Variants in AATK observed in about 807,000 individuals in gnomAD.
AATK encodes lemur tail kinase 1.
In AATK, 91 loss-of-function variants were observed where a neutral mutation model predicts 114.3. The observed-to-expected ratio is 0.80, with a 90% confidence interval of 0.67 to 0.95. The LOEUF (loss-of-function observed/expected upper bound fraction) is 0.95, where lower values mean the gene tolerates loss of function less well. Ranked by LOEUF, AATK falls within the 40% of genes least tolerant of loss-of-function variation. The probability of loss-of-function intolerance (pLI) is 0.00; values close to 1 mark genes in which losing one functional copy is unlikely to be tolerated. For missense variants in AATK, 2,176 were observed against 1,965.2 expected (o/e 1.11, Z -2.03); for synonymous variants, 1,075 against 916.5 (o/e 1.17, Z -3.12).
At chr17:81,160,297 G>A (rs1293817595) in intron 1 of AATK, 11 of 983,310 alleles carry the variant, frequency 1.1e-5, no homozygotes, top group Middle Eastern at 5.2e-4. Flanking sequence ...AGTGACCCCC[G>A]GGAGGACCCC....
intron 9 of AATK, among the ~76,000 whole-genome samples, chr17:81,123,747 A>C (rs1168996770): frequency 1.4e-5 from 2 of 147,282 alleles, no homozygotes; most frequent in East Asian, 2.0e-4. Context: ...AGGGAGGGGG[A>C]AGGAAGGGGA....
chr17:81,153,043 T>C (rs1172031569), intron 1 of AATK, among the ~76,000 whole-genome samples: 3 of 152,176 alleles, frequency 2.0e-5, no homozygotes, highest in African/African-American at 4.8e-5. Context: ...GGTTTCACCA[T>C]GTTGGCCAGG....
chr17:81,143,519 C>A (rs1235562974), intron 1 of AATK, among the ~76,000 whole-genome samples: 3 of 50,234 alleles, frequency 6.0e-5, no homozygotes, highest in Admixed American at 2.6e-4. Flanking sequence ...TCACTTCCCC[C>A]AGCCATGCAG....
rs2060692020 is a variant in AATK at position 81,120,990 on chromosome 17, G to A, written c.2946C>T (p.Ser982=). ...GATTCTTCTCGTTGAGGCCACTGAG[G>A]GAGGTGGAGAGCCGTGTCTCGGGCC... ...GPGPETRLST[S]LSGLNEKNPY... is the part of the protein sequence containing the mutation. Residue 982 remains serine (S), a synonymous_variant, in exon 11 of 14, where the codon TCC becomes TCT. Coordinates refer to ENST00000326724, the MANE Select transcript of AATK (RefSeq NM_001080395.3). The A allele has an allele frequency of 3.7e-6, 6 of 1,610,758 alleles. No individual in the cohort carries two copies. Among genetic ancestry groups the A allele is most frequent in the Non-Finnish European group, 5.1e-6 (6 of 1,179,158 alleles).
intron 1 of AATK, among the ~76,000 whole-genome samples, chr17:81,164,628 C>T (rs953957790): frequency 7.2e-5 from 11 of 152,222 alleles, no homozygotes; most frequent in Admixed American, 1.3e-4. Context: ...GGGTATGGGC[C>T]GAGGGTCCTC....
Position 81,122,582 on chromosome 17 carries a change from G to C in AATK, c.1354C>G (p.Gln452Glu). 6.9e-7 allele frequency: 1 copy of C among 1,451,252 alleles called. No homozygotes were observed. 89.9% of individuals were successfully genotyped at this position (1,451,252 alleles called of 1,614,324 possible). Reference sequence around the variant, plus strand: ...GCGTGGAAGCCGTCGCCCGCGAACTGCTCCAGCAGCGGGAAGGACGAGGCA... The same window carrying C: ...GCGTGGAAGCCGTCGCCCGCGAACTCCTCCAGCAGCGGGAAGGACGAGGCA... ...AAASSFPLLE[Q>E]FAGDGFHADG... The change falls in exon 11 of 14, where the codon CAG becomes GAG. Residue 452 changes from glutamine to glutamate, a missense_variant. This residue lies in a region of AATK where 1,701 missense variants were observed against 1,394.7 expected (regional missense o/e 1.22). Transcript: ENST00000326724.
At chr17:81,163,915 A>G (rs931252993) in intron 1 of AATK, among the ~76,000 whole-genome samples, 3 of 152,216 alleles carry the variant, frequency 2.0e-5, no homozygotes, top group African/African-American at 7.2e-5. Context: ...CCAGATGCTG[A>G]GTGACACACA....
At chr17:81,160,754 G>C (rs2061421347) in intron 1 of AATK, among the ~76,000 whole-genome samples, 1 of 152,240 alleles carries the variant, frequency 6.6e-6, no homozygotes, top group African/African-American at 2.4e-5. Flanking sequence ...CCTTGCCCTG[G>C]CGTGCACAGA....
Position 81,126,760 on chromosome 17 carries a change from CT to C in AATK, c.622-201del. Reference sequence around the variant, plus strand: ...CCGTGTCCCCCAGGGCTGGGCTGGACTGAAGGCTTCCTCTCCACTGCCCCTC... The same window carrying C: ...CCGTGTCCCCCAGGGCTGGGCTGGACGAAGGCTTCCTCTCCACTGCCCCTC... On this transcript the variant is annotated intron_variant, in intron 6 of 13. Coordinates refer to ENST00000326724, the MANE Select transcript of AATK (RefSeq NM_001080395.3). The surrounding 1 kb of genome is among the most constrained non-coding windows in gnomAD (Gnocchi z 5.1). 7.1e-7 allele frequency: 1 copy of C among 1,402,780 alleles called. No individual in the cohort carries two copies. The highest frequency in any genetic ancestry group is 1.6e-5 in the South Asian group (1 of 60,612). 86.9% of individuals were successfully genotyped at this position (1,402,780 alleles called of 1,614,324 possible).
At position 81,126,885 on chromosome 17, in the gene AATK, G is replaced by A; in HGVS notation, c.622-325C>T. ...GATGGAGTCTGGGGCTGGTGGTCGAGGGTTGGCCGGCAGCCCCTGACCTGC... is the reference window on the plus strand; with the variant it reads ...GATGGAGTCTGGGGCTGGTGGTCGAAGGTTGGCCGGCAGCCCCTGACCTGC... On this transcript the variant is annotated intron_variant, in intron 6 of 13. Transcript: ENST00000326724. The surrounding 1 kb of genome is among the most constrained non-coding windows in gnomAD (Gnocchi z 5.1). 1 of 1,145,274 alleles carries A rather than the reference G, an allele frequency of 8.7e-7. No homozygotes were observed. Among genetic ancestry groups the A allele is most frequent in the Non-Finnish European group, 1.1e-6 (1 of 926,958 alleles). The allele number at this position is 1,145,274 out of a possible 1,614,324, so 70.9% of individuals were successfully genotyped here.
intron 1 of AATK, among the ~76,000 whole-genome samples, chr17:81,140,643 C>G (rs1442396278): frequency 6.7e-6 from 1 of 150,314 alleles, no homozygotes; most frequent in Non-Finnish European, 1.5e-5. Context: ...AATCAGAGAC[C>G]GTGGGGCCGG....
At chr17:81,119,228 CT>C (rs1568215814) in intron 13 of AATK, among the ~76,000 whole-genome samples, 151 bp downstream of exon 13, 7,420 of 108,540 alleles carry the variant, frequency 0.068, 349 homozygotes, top group South Asian at 0.11. Flanking sequence ...CAGGCTAGGT[CT>C]GGGGCCGGGA....
chr17:81,155,448 G>T (rs912498224), intron 1 of AATK, among the ~76,000 whole-genome samples: 1 of 151,664 alleles, frequency 6.6e-6, no homozygotes, highest in Admixed American at 6.6e-5. Flanking sequence ...AGTGCAGTGC[G>T]TGATCTTGGC....
intron 1 of AATK, among the ~76,000 whole-genome samples, chr17:81,148,301 C>T (rs71370213): frequency 2.2e-4 from 34 of 152,202 alleles, no homozygotes; most frequent in Non-Finnish European, 4.3e-4. Flanking sequence ...CGCAGAATGG[C>T]CACCTGCCCT....
In AATK at chr17:81,156,714, A is replaced by G. The variant is rs76851641; in HGVS notation, c.55+9224T>C. On this transcript the variant is annotated intron_variant, in intron 1 of 13. Coordinates refer to ENST00000326724, the MANE Select transcript of AATK (RefSeq NM_001080395.3). ...GCCCAGACTAAATGTCTTCTAAAGA[A>G]TCTTTTAAATCATTTTTTTCCTGAA... Among the ~76,000 whole-genome samples the G allele has an allele frequency of 3.5e-3, 527 of 152,310 alleles. 7 individuals are homozygous for G. Among genetic ancestry groups the G allele is most frequent in the African/African-American group, 0.012 (498 of 41,562 alleles).
In AATK at chr17:81,126,999, C is replaced by T. The variant is rs1365201265; in HGVS notation, c.622-439G>A. ...TCCCGAGGGAAGCCAGCAGGGGATC[C>T]AGCCCAGCCACAGACAGCCTCGGCT... On this transcript the variant is annotated intron_variant, in intron 6 of 13. Coordinates refer to ENST00000326724, the MANE Select transcript of AATK (RefSeq NM_001080395.3). The surrounding 1 kb of genome is among the most constrained non-coding windows in gnomAD (Gnocchi z 5.1). Among the ~76,000 whole-genome samples, 1 of 150,866 alleles carries T rather than the reference C, an allele frequency of 6.6e-6. No homozygotes were observed. The highest frequency in any genetic ancestry group is 6.6e-5 in the Admixed American group (1 of 15,104).
At chr17:81,128,821 C>T (rs1598925572) in intron 3 of AATK, 5 of 1,246,758 alleles carry the variant, frequency 4.0e-6, no homozygotes, top group Middle Eastern at 3.4e-4. Context: ...CTGGGATAGC[C>T]CGGCCAGGGA....
chr17:81,136,148 C>T (rs1232068606), intron 1 of AATK: 1 of 152,488 alleles, frequency 6.6e-6, no homozygotes, highest in Non-Finnish European at 1.5e-5. Flanking sequence ...CTCCCAGGCT[C>T]CATCTGGTGC....
chr17:81,165,826 G>A (rs377112563), intron 1 of AATK, 112 bp downstream of exon 1: 8 of 1,509,148 alleles, frequency 5.3e-6, no homozygotes, highest in Non-Finnish European at 7.1e-6. Flanking sequence ...TGCTGGGCTC[G>A]GGGCGGGGAA....
Sources: allele counts gnomAD v4.1 joint callset (sites outside exome capture counted in the v4.1 genomes callset), GRCh38; gene constraint gnomAD v4.1.1; regional missense constraint gnomAD v4.1.1; non-coding constraint Gnocchi (gnomAD v3.1); transcripts MANE v1.5; gene names NCBI Gene and HGNC (gene_info 2026-07-23, HGNC 2026-07-21).